Variants in EXT1 observed in about 807,000 individuals in gnomAD.
The protein encoded by EXT1 is exostosin-1.
Under a neutral mutation model 82.5 loss-of-function variants are expected in EXT1, and 20 were observed. The observed-to-expected ratio is 0.24, with a 90% confidence interval of 0.17 to 0.35. EXT1 has a LOEUF of 0.35. EXT1 is among the 10% of genes least tolerant of loss of function. EXT1 has a pLI of 1.00. For synonymous variants in EXT1, 348 were observed against 350.8 expected, an observed-to-expected ratio of 0.99 and a Z score of 0.09; for missense variants, 757 against 936.5, an observed-to-expected ratio of 0.81 and a Z score of 2.50.
At chr8:118,020,396 C>A (rs192108780) in intron 1 of EXT1, among the ~76,000 whole-genome samples, 1 of 152,168 alleles carries the variant, frequency 6.6e-6, no homozygotes, top group Non-Finnish European at 1.5e-5. Flanking sequence ...CACTACATTA[C>A]GATCTTGTCC....
chr8:118,038,258 CA>C (rs1206553650), intron 1 of EXT1, among the ~76,000 whole-genome samples: 1 of 152,134 alleles, frequency 6.6e-6, no homozygotes, highest in Non-Finnish European at 1.5e-5. Flanking sequence ...TATGAAAAGG[CA>C]AAAACGTTGA....
At chr8:118,054,292 T>C (rs1816761108) in intron 1 of EXT1, among the ~76,000 whole-genome samples, 1 of 152,142 alleles carries the variant, frequency 6.6e-6, no homozygotes, top group East Asian at 1.9e-4. Flanking sequence ...CCCTACCTGA[T>C]CTCCCCTACT....
intron 1 of EXT1, among the ~76,000 whole-genome samples, chr8:118,014,980 T>G (rs970941177): frequency 1.3e-5 from 2 of 152,214 alleles, no homozygotes; most frequent in Admixed American, 6.5e-5. Flanking sequence ...TTTGGAGCAT[T>G]TGTGTCAAAT....
At chr8:117,969,697 G>A (rs1400691430) in intron 1 of EXT1, among the ~76,000 whole-genome samples, 4 of 151,926 alleles carry the variant, frequency 2.6e-5, no homozygotes, top group Non-Finnish European at 5.9e-5. Context: ...GTGTGTGTGC[G>A]CGCGCACGCG....
At chr8:117,904,692 C>G (rs1048351128) in intron 1 of EXT1, among the ~76,000 whole-genome samples, 1 of 152,116 alleles carries the variant, frequency 6.6e-6, no homozygotes, top group Non-Finnish European at 1.5e-5. Context: ...ACCTGCCCCC[C>G]AACACCAGGT....
intron 1 of EXT1, among the ~76,000 whole-genome samples, chr8:118,027,318 C>A (rs1261924210): frequency 6.7e-5 from 3 of 44,676 alleles, no homozygotes; most frequent in Non-Finnish European, 1.0e-4. Context: ...TTCTTTCACA[C>A]ACACACACAC....
intron 1 of EXT1, among the ~76,000 whole-genome samples, chr8:117,974,139 T>C (rs1051679395): frequency 2.0e-5 from 3 of 152,212 alleles, no homozygotes; most frequent in African/African-American, 7.2e-5. Flanking sequence ...CTAGGTTTGA[T>C]TAATTAAATA....
At chr8:117,917,363 G>A (rs1813771774) in intron 1 of EXT1, among the ~76,000 whole-genome samples, 1 of 152,052 alleles carries the variant, frequency 6.6e-6, no homozygotes, top group African/African-American at 2.4e-5. Context: ...TACTTGGGAG[G>A]CTGAGGCAAG....
At position 117,835,433 on chromosome 8, in the gene EXT1, C is replaced by T. The variant is rs973005496; in HGVS notation, c.1164+11G>A. ...CTGCTGATGTGTTGAAGGCCACAGC[C>T]CCTTCCTTACCTGTAATAACAATCT... On this transcript the variant is annotated intron_variant, in intron 3 of 10. Transcript: ENST00000378204. 6.3e-7 allele frequency: 1 copy of T among 1,599,662 alleles called. No homozygotes were observed. The highest frequency in any genetic ancestry group is 8.6e-7 in the Non-Finnish European group (1 of 1,166,736).
intron 1 of EXT1, among the ~76,000 whole-genome samples, chr8:117,978,608 A>G (rs1815117448): frequency 6.6e-6 from 1 of 152,208 alleles, no homozygotes; most frequent in Non-Finnish European, 1.5e-5. Context: ...CCTATATAGG[A>G]ATAATAAACT....
chr8:117,901,953 C>T (rs979299107), intron 1 of EXT1, among the ~76,000 whole-genome samples: 8 of 151,982 alleles, frequency 5.3e-5, no homozygotes, highest in African/African-American at 1.7e-4. Flanking sequence ...CTGCTTTGGC[C>T]TCTCAAAGTG....
chr8:117,975,504 A>T (rs1435237620), intron 1 of EXT1, among the ~76,000 whole-genome samples: 1 of 151,924 alleles, frequency 6.6e-6, no homozygotes, highest in Non-Finnish European at 1.5e-5. Context: ...CCAAATATCT[A>T]ATTTGTTTTC....
In EXT1 at chr8:117,930,480, A is replaced by G. The variant is rs115255029; in HGVS notation, c.963-93279T>C. The stretch of plus-strand genomic sequence containing the variant: ...TTGGAAGATTATAGACTTATCTCTA[A>G]ATATCCACATCTGGTCAACCCCCAT... On this transcript the variant is annotated intron_variant, in intron 1 of 10. Coordinates refer to ENST00000378204, the MANE Select transcript of EXT1 (RefSeq NM_000127.3). 3.4e-3 allele frequency among the ~76,000 whole-genome samples: 516 copies of G among 152,332 alleles called. 3 individuals are homozygous for G. The highest frequency in any genetic ancestry group is 0.011 in the African/African-American group (470 of 41,572).
chr8:117,983,728 G>A (rs996156086), intron 1 of EXT1, among the ~76,000 whole-genome samples: 1 of 152,164 alleles, frequency 6.6e-6, no homozygotes, highest in Non-Finnish European at 1.5e-5. Context: ...ATGTATATGT[G>A]TTTACTGCAA....
At chr8:117,888,265 T>A (rs577458391) in intron 1 of EXT1, among the ~76,000 whole-genome samples, 1 of 152,064 alleles carries the variant, frequency 6.6e-6, no homozygotes, top group Non-Finnish European at 1.5e-5. Context: ...CATTTTATGC[T>A]ATAATGAACT....
chr8:117,931,130 A>G (rs1280445397), intron 1 of EXT1, among the ~76,000 whole-genome samples: 1 of 152,222 alleles, frequency 6.6e-6, no homozygotes, highest in African/African-American at 2.4e-5. Context: ...CCATAAAAAT[A>G]GGCAATCAAC....
At chr8:117,822,119 T>C (rs1374138703) in intron 5 of EXT1, among the ~76,000 whole-genome samples, 1 of 151,996 alleles carries the variant, frequency 6.6e-6, no homozygotes, top group East Asian at 1.9e-4. Flanking sequence ...AAAAAAAAAA[T>C]TGGGGAGAGC....
At chr8:117,823,592 A>G (rs1303926227) in intron 4 of EXT1, among the ~76,000 whole-genome samples, 1 of 152,018 alleles carries the variant, frequency 6.6e-6, no homozygotes, top group Non-Finnish European at 1.5e-5. Flanking sequence ...ATTTAATGCA[A>G]TGTGATTTTA....
At chr8:118,017,147 A>C (rs558300714) in intron 1 of EXT1, among the ~76,000 whole-genome samples, 38 of 152,304 alleles carry the variant, frequency 2.5e-4, no homozygotes, top group Non-Finnish European at 1.9e-4. Context: ...GCTATCCGTT[A>C]GTCTGCTTGA....
Sources: allele counts gnomAD v4.1 joint callset (sites outside exome capture counted in the v4.1 genomes callset), GRCh38; gene constraint gnomAD v4.1.1; transcripts MANE v1.5; gene names NCBI Gene and HGNC (gene_info 2026-07-23, HGNC 2026-07-21).